Variants in PACRG observed in about 807,000 individuals in gnomAD.
PACRG encodes parkin coregulated gene protein.
PACRG carries 29 observed loss-of-function variants against 29.7 expected under a neutral mutation model. That is an observed-to-expected ratio of 0.98 (90% CI 0.73 to 1.33). The LOEUF is 1.33. Ranked by LOEUF, PACRG falls within the 40% of genes most tolerant of loss-of-function variation. The probability of loss-of-function intolerance (pLI) is 0.00; values close to 1 mark genes in which losing one functional copy is unlikely to be tolerated. For missense variants in PACRG, 279 were observed against 316.2 expected (o/e 0.88, Z 0.89); for synonymous variants, 116 against 118.7 (o/e 0.98, Z 0.15).
At chr6:163,162,328 G>C (rs926766314) in intron 4 of PACRG, among the ~76,000 whole-genome samples, 6 of 152,204 alleles carry the variant, frequency 3.9e-5, no homozygotes, top group African/African-American at 1.4e-4. Flanking sequence ...GTGGGACCTT[G>C]GTTCTCAATC....
At chr6:162,774,935 A>G (rs972697028) in intron 1 of PACRG, among the ~76,000 whole-genome samples, 2 of 152,166 alleles carry the variant, frequency 1.3e-5, no homozygotes, top group Admixed American at 1.3e-4. Flanking sequence ...GTAGTCAGTG[A>G]GCACGGTGCT....
chr6:162,858,918 A>C (rs540187595), intron 2 of PACRG, among the ~76,000 whole-genome samples: 1 of 152,320 alleles, frequency 6.6e-6, no homozygotes, highest in Admixed American at 6.5e-5. Context: ...TCTAGTTTCC[A>C]TGCCTACTTC....
intron 2 of PACRG, among the ~76,000 whole-genome samples, chr6:162,840,900 T>C (rs1260088359): frequency 1.0e-4 from 1 of 9,628 alleles, no homozygotes; most frequent in Non-Finnish European, 1.5e-4. Context: ...ATTACATTTA[T>C]TGATTTGCGT....
chr6:162,835,670 G>T (rs1027912605), intron 2 of PACRG, among the ~76,000 whole-genome samples: 11 of 151,890 alleles, frequency 7.2e-5, no homozygotes, highest in African/African-American at 9.7e-5. Flanking sequence ...AAAATCTGTG[G>T]TTTTTTTTGT....
chr6:163,012,160 G>A (rs898994843), intron 2 of PACRG, among the ~76,000 whole-genome samples: 1 of 152,196 alleles, frequency 6.6e-6, no homozygotes, highest in Non-Finnish European at 1.5e-5. Flanking sequence ...AAGATTTGTT[G>A]TCCTAATTAA....
intron 4 of PACRG, among the ~76,000 whole-genome samples, chr6:163,168,515 G>T (rs371148476): frequency 1.3e-5 from 2 of 151,658 alleles, no homozygotes; most frequent in East Asian, 3.9e-4. Flanking sequence ...AGAAAAAATT[G>T]TTAAAGCATT....
intron 1 of PACRG, among the ~76,000 whole-genome samples, chr6:162,755,771 A>G (rs1435092694): frequency 6.6e-6 from 1 of 152,126 alleles, no homozygotes; most frequent in Non-Finnish European, 1.5e-5. Flanking sequence ...ACTTATCACT[A>G]TAAATTTCCC....
chr6:162,758,788 T>A (rs1366624191), intron 1 of PACRG, among the ~76,000 whole-genome samples: 2 of 152,208 alleles, frequency 1.3e-5, no homozygotes, highest in African/African-American at 2.4e-5. Flanking sequence ...CTGCTAAATA[T>A]ACATTTGCTA....
At chr6:162,966,441 C>T (rs1045489566) in intron 2 of PACRG, among the ~76,000 whole-genome samples, 1 of 151,336 alleles carries the variant, frequency 6.6e-6, no homozygotes, top group Non-Finnish European at 1.5e-5. Context: ...ATCTACAGTG[C>T]TGGATACAAA....
At chr6:162,762,813 A>G (rs1307447939) in intron 1 of PACRG, among the ~76,000 whole-genome samples, 1 of 152,160 alleles carries the variant, frequency 6.6e-6, no homozygotes, top group Non-Finnish European at 1.5e-5. Flanking sequence ...TCAGAGCTCT[A>G]TTGATTTGAT....
intron 4 of PACRG, among the ~76,000 whole-genome samples, chr6:163,130,348 G>C (rs779558995): frequency 5.9e-5 from 9 of 152,090 alleles, no homozygotes; most frequent in African/African-American, 9.7e-5. Context: ...CCCAACGTCT[G>C]GCTATTTCAC....
intron 2 of PACRG, among the ~76,000 whole-genome samples, chr6:162,855,318 A>G (rs992556883): frequency 1.3e-5 from 2 of 152,204 alleles, no homozygotes; most frequent in Non-Finnish European, 2.9e-5. Flanking sequence ...ACACTGATGA[A>G]ATTAGTAGGA....
At position 163,055,867 on chromosome 6, in the gene PACRG, T is replaced by G. The variant is rs1810542473; in HGVS notation, c.292-6283T>G. Among the ~76,000 whole-genome samples, 1 of 152,170 alleles carries G rather than the reference T, an allele frequency of 6.6e-6. No individual in the cohort carries two copies. The highest frequency in any genetic ancestry group is 2.4e-5 in the African/African-American group (1 of 41,432). ...TCCCAGAATCCTTTCCCCCAGCTCT[T>G]AAGCAGCCACTTTCTGTCTCTTGGA... On this transcript the variant is annotated intron_variant, in intron 2 of 4. Transcript: ENST00000366888. This position sits in a 1 kb window ranked among gnomAD's most constrained non-coding sequence, Gnocchi z 4.0.
At chr6:162,841,575 G>T (rs79965797) in intron 2 of PACRG, among the ~76,000 whole-genome samples, 79,096 of 150,692 alleles carry the variant, frequency 0.52, 21,626 homozygotes, top group African/African-American at 0.67. Context: ...TTTTGAAAGG[G>T]TTTTTGTGTC....
chr6:162,947,608 A>ATTTAT (rs1554313269), intron 2 of PACRG, among the ~76,000 whole-genome samples: 16 of 66,346 alleles, frequency 2.4e-4, no homozygotes, highest in Non-Finnish European at 4.0e-4. Context: ...ATATATATAT[A>ATTTAT]ATCATATATA....
At chr6:163,148,979 G>A (rs13197279) in intron 4 of PACRG, among the ~76,000 whole-genome samples, 1,178 of 32,000 alleles carry the variant, frequency 0.037, 15 homozygotes, top group South Asian at 0.15. Context: ...GGGGGGGGGG[G>A]GGTGGAAAAA....
intron 4 of PACRG, among the ~76,000 whole-genome samples, chr6:163,296,715 T>C (rs2128188737): frequency 6.6e-6 from 1 of 152,338 alleles, no homozygotes; most frequent in South Asian, 2.1e-4. Context: ...CACGCAGAGA[T>C]ATGTGCAGCC....
intron 4 of PACRG, among the ~76,000 whole-genome samples, chr6:163,266,882 A>G (rs1251655295): frequency 6.6e-6 from 1 of 152,158 alleles, no homozygotes; most frequent in Non-Finnish European, 1.5e-5. Flanking sequence ...GGGCAGCACC[A>G]GTTTTATGAG....
At chr6:163,228,930 T>C (rs940142073) in intron 4 of PACRG, among the ~76,000 whole-genome samples, 9 of 152,210 alleles carry the variant, frequency 5.9e-5, no homozygotes, top group Admixed American at 5.9e-4. Context: ...ACCAGTTTAC[T>C]TTCTCCCTGG....
Sources: allele counts gnomAD v4.1 joint callset (sites outside exome capture counted in the v4.1 genomes callset), GRCh38; gene constraint gnomAD v4.1.1; non-coding constraint Gnocchi (gnomAD v3.1); transcripts MANE v1.5; gene names NCBI Gene and HGNC (gene_info 2026-07-23, HGNC 2026-07-21).